Variants in GRIK2 observed in about 807,000 individuals in gnomAD.
GRIK2 encodes glutamate ionotropic receptor kainate type subunit 2.
GRIK2 carries 32 observed loss-of-function variants against 100.3 expected under a neutral mutation model. The ratio of observed to expected loss-of-function variants is 0.32; its 90% CI spans 0.24 to 0.43. The LOEUF (loss-of-function observed/expected upper bound fraction) is 0.43, where lower values mean the gene tolerates loss of function less well. Among genes scored for constraint, GRIK2 ranks in the 20% least tolerant of loss-of-function variants. The probability of loss-of-function intolerance (pLI) is 1.00; values close to 1 mark genes in which losing one functional copy is unlikely to be tolerated. For synonymous variants in GRIK2, 417 were observed against 389.4 expected, an observed-to-expected ratio of 1.07 and a Z score of -0.83; for missense variants, 843 against 1,114.9, an observed-to-expected ratio of 0.76 and a Z score of 3.47.
chr6:101,812,130 A>G (rs1781371550), intron 9 of GRIK2, among the ~76,000 whole-genome samples: 1 of 151,678 alleles, frequency 6.6e-6, no homozygotes, highest in African/African-American at 2.4e-5. Context: ...ATCTTAAAAC[A>G]TTAAGAATAA....
At chr6:101,797,668 A>G (rs1388664666) in intron 7 of GRIK2, among the ~76,000 whole-genome samples, 1 of 68,864 alleles carries the variant, frequency 1.5e-5, no homozygotes, top group Non-Finnish European at 2.5e-5. Flanking sequence ...CTGTATTTCC[A>G]TAATAAACCA....
intron 10 of GRIK2, among the ~76,000 whole-genome samples, chr6:101,855,398 T>A (rs963280955): frequency 9.2e-5 from 14 of 152,110 alleles, no homozygotes; most frequent in Non-Finnish European, 1.8e-4. Context: ...CAGGGTAGAA[T>A]AATGGAGAGT....
intron 12 of GRIK2, among the ~76,000 whole-genome samples, chr6:101,905,566 A>G (rs1283761049): frequency 1.3e-5 from 2 of 151,590 alleles, no homozygotes; most frequent in Non-Finnish European, 3.0e-5. Context: ...TAAACTGATT[A>G]TCATAATTTA....
At chr6:101,483,598 A>G (rs1772650200) in intron 2 of GRIK2, among the ~76,000 whole-genome samples, 1 of 152,164 alleles carries the variant, frequency 6.6e-6, no homozygotes, top group Admixed American at 6.5e-5. Context: ...TATTTGGGAT[A>G]GAGTCTTGCT....
intron 9 of GRIK2, among the ~76,000 whole-genome samples, chr6:101,816,505 C>A (rs1197153993): frequency 3.3e-5 from 5 of 151,990 alleles, no homozygotes; most frequent in Non-Finnish European, 7.4e-5. Flanking sequence ...CATGGTGAAA[C>A]TAAAAATACA....
intron 2 of GRIK2, among the ~76,000 whole-genome samples, chr6:101,410,140 A>G (rs1431967179): frequency 6.6e-6 from 1 of 152,096 alleles, no homozygotes; most frequent in Non-Finnish European, 1.5e-5. Flanking sequence ...TGAACAAAGA[A>G]ATCATGCCAA....
intron 2 of GRIK2, among the ~76,000 whole-genome samples, chr6:101,526,427 AATAAAC>A (rs1245785818): frequency 1.3e-5 from 2 of 152,224 alleles, no homozygotes; most frequent in East Asian, 1.9e-4. Context: ...AACTAGAAAA[AATAAAC>A]ATAAATTAGT....
intron 2 of GRIK2, among the ~76,000 whole-genome samples, chr6:101,448,830 T>G (rs1162917799): frequency 6.6e-6 from 1 of 151,656 alleles, no homozygotes; most frequent in East Asian, 1.9e-4. Flanking sequence ...GGTAGAAGCA[T>G]ATGGCTAGAA....
At chr6:101,644,690 A>G (rs1029394798) in intron 4 of GRIK2, among the ~76,000 whole-genome samples, 1 of 151,896 alleles carries the variant, frequency 6.6e-6, no homozygotes, top group Non-Finnish European at 1.5e-5. Context: ...ATTTTTGAGT[A>G]TGGAATTTTT....
intron 2 of GRIK2, among the ~76,000 whole-genome samples, chr6:101,557,563 C>T (rs1208435938): frequency 6.6e-6 from 1 of 152,076 alleles, no homozygotes; most frequent in African/African-American, 2.4e-5. Flanking sequence ...CTAGATAATA[C>T]AATCATGTAG....
In GRIK2 at chr6:102,068,402, G is replaced by A. The variant is rs770114112; in HGVS notation, c.2618G>A (p.Arg873His). The change falls in exon 17 of 17, where the codon CGT becomes CAT. Residue 873 changes from arginine (R) to histidine (H), a missense_variant. Arg to His is a conservative substitution (Grantham distance 29). Transcript: ENST00000369134. ...TTGAGGATGTCCCTGAAGTGCCAGC[G>A]TCGGTTAAAACATAAGCCACAGGCC... is the stretch of plus-strand genomic sequence containing the variant. ...EELRMSLKCQ[R>H]RLKHKPQAPV... is the part of the protein sequence containing the mutation. 5.6e-6 allele frequency: 9 copies of A among 1,611,832 alleles called. No individual in the cohort carries two copies. Among genetic ancestry groups the A allele is most frequent in the Admixed American group, 1.7e-5 (1 of 59,794 alleles).
intron 14 of GRIK2, among the ~76,000 whole-genome samples, chr6:101,973,282 G>A (rs1176154098): frequency 6.6e-6 from 1 of 151,800 alleles, no homozygotes; most frequent in Non-Finnish European, 1.5e-5. Context: ...TTTTTAGCAA[G>A]CACTTGAAGT....
intron 10 of GRIK2, among the ~76,000 whole-genome samples, chr6:101,826,487 T>C (rs1294637475): frequency 2.6e-5 from 4 of 151,952 alleles, no homozygotes; most frequent in Admixed American, 2.6e-4. Flanking sequence ...TGTATGGAGA[T>C]GTTGGCAATG....
At chr6:101,793,377 T>C (rs943964952) in intron 7 of GRIK2, among the ~76,000 whole-genome samples, 4 of 152,164 alleles carry the variant, frequency 2.6e-5, no homozygotes, top group African/African-American at 9.7e-5. Flanking sequence ...GATGTACAGA[T>C]GGGTTTTGGT....
intron 10 of GRIK2, among the ~76,000 whole-genome samples, chr6:101,849,259 C>T (rs1783980061): frequency 1.3e-5 from 2 of 151,732 alleles, no homozygotes; most frequent in Non-Finnish European, 2.9e-5. Context: ...AAAACTAACC[C>T]AACGAAAAAG....
At chr6:101,608,004 C>A (rs1179923619) in intron 2 of GRIK2, among the ~76,000 whole-genome samples, 3 of 149,782 alleles carry the variant, frequency 2.0e-5, no homozygotes, top group Non-Finnish European at 3.0e-5. Context: ...TGGCTGCAAG[C>A]AGAGGACATT....
At chr6:101,678,860 T>C (rs1771035987) in intron 5 of GRIK2, among the ~76,000 whole-genome samples, 1 of 152,212 alleles carries the variant, frequency 6.6e-6, no homozygotes, top group Non-Finnish European at 1.5e-5. Flanking sequence ...TTTATTTATT[T>C]AAACTGATTG....
intron 2 of GRIK2, among the ~76,000 whole-genome samples, chr6:101,591,776 T>C (rs1778653466): frequency 6.6e-6 from 1 of 151,936 alleles, no homozygotes; most frequent in Non-Finnish European, 1.5e-5. Flanking sequence ...TAGCTAAGAG[T>C]TTCTGGGAGT....
intron 14 of GRIK2, among the ~76,000 whole-genome samples, chr6:101,983,619 A>C (rs1793845672): frequency 6.6e-6 from 1 of 151,788 alleles, no homozygotes. Context: ...TCAATGATAA[A>C]AATATATTTT....
Sources: allele counts gnomAD v4.1 joint callset (sites outside exome capture counted in the v4.1 genomes callset), GRCh38; gene constraint gnomAD v4.1.1; transcripts MANE v1.5; gene names NCBI Gene and HGNC (gene_info 2026-07-23, HGNC 2026-07-21).